PLD3: variants seen among roughly 807,000 people sequenced by gnomAD.
PLD3 encodes the protein phospholipase D family member 3, also known as 5'-3' exonuclease PLD3.
In PLD3, 31 loss-of-function variants were observed where a neutral mutation model predicts 58.4. The observed-to-expected ratio is 0.53, with a 90% CI of 0.40 to 0.72. The LOEUF (loss-of-function observed/expected upper bound fraction) is 0.72. PLD3 is among the 30% of genes least tolerant of loss of function. PLD3 has a pLI of 0.00. For missense variants in PLD3, 595 were observed against 659.8 expected (o/e 0.90, Z 1.08); for synonymous variants, 264 against 273.4 (o/e 0.97, Z 0.34).
intron 1 of PLD3, among the ~76,000 whole-genome samples, chr19:40,351,293 C>G (rs955390699): frequency 5.9e-5 from 9 of 151,598 alleles, no homozygotes; most frequent in African/African-American, 2.2e-4. Context: ...CCTATAATCC[C>G]AGCACTTTGG....
Position 40,369,187 on chromosome 19 carries a change from A to G in PLD3, c.430-721A>G, listed in dbSNP as rs543645852. On this transcript the variant is annotated intron_variant, in intron 6 of 12. Transcript: ENST00000409735. ...CTCCCACTCCCTGCTGGCTCCCTCTAAAGTGGTTTAAAACACAGATGTAGG... is the reference window on the plus strand; with the variant it reads ...CTCCCACTCCCTGCTGGCTCCCTCTGAAGTGGTTTAAAACACAGATGTAGG... Among the ~76,000 whole-genome samples the G allele has an allele frequency of 7.9e-5, 12 of 152,166 alleles. No homozygotes were observed. The South Asian group carries it at 1.0e-3, about 13-fold the overall frequency.
At position 40,367,691 on chromosome 19, in the gene PLD3, C is replaced by A. The variant is rs200368701; in HGVS notation, c.246-5C>A. ...GTATGGCTGATAGCATCCCCCACCC[C>A]CCAGAGCAGTGCTGGTGGAAAGCAT... is the stretch of plus-strand genomic sequence containing the variant. On this transcript the variant is annotated splice_polypyrimidine_tract_variant and splice_region_variant and intron_variant, in intron 5 of 12. Coordinates refer to ENST00000409735, the MANE Select transcript of PLD3 (RefSeq NM_012268.4). 9 of 1,604,172 alleles carry A rather than the reference C, an allele frequency of 5.6e-6. No homozygotes were observed. The highest frequency in any genetic ancestry group is 2.2e-5 in the South Asian group (2 of 90,566).
chr19:40,363,038 T>G (rs985164946), intron 1 of PLD3, among the ~76,000 whole-genome samples: 6 of 152,170 alleles, frequency 3.9e-5, no homozygotes, highest in Admixed American at 2.6e-4. Context: ...GTGCTGAGAT[T>G]ACAGGTGTGA....
chr19:40,351,284 C>T (rs2078508993), intron 1 of PLD3, among the ~76,000 whole-genome samples: 1 of 151,530 alleles, frequency 6.6e-6, no homozygotes, highest in Admixed American at 6.6e-5. Context: ...TGGCTCATGC[C>T]TATAATCCCA....
rs36125021 is a variant in PLD3 at position 40,354,069 on chromosome 19, C to CT, written c.-279+5323dup. ...CCACCATCCCCAGCTATTTTTTAGCCTTTTTTTTTTTTTTTTTTTTTTGAG... is the reference window on the plus strand; with the variant it reads ...CCACCATCCCCAGCTATTTTTTAGCCTTTTTTTTTTTTTTTTTTTTTTTGAG... On this transcript the variant is annotated intron_variant, in intron 1 of 12. Coordinates refer to ENST00000409735, the MANE Select transcript of PLD3 (RefSeq NM_012268.4). 9.5e-3 allele frequency among the ~76,000 whole-genome samples: 744 copies of CT among 78,252 alleles called. 5 individuals are homozygous for CT. The highest frequency in any genetic ancestry group is 0.015 in the African/African-American group (265 of 17,588). The allele number at this position is 78,252 out of a possible 152,430, so 51.3% of individuals were successfully genotyped here.
intron 6 of PLD3, 80 bp from the exon 7 acceptor site, chr19:40,369,828 A>G (rs905085757): frequency 4.4e-6 from 6 of 1,356,496 alleles, no homozygotes; most frequent in African/African-American, 2.9e-5. Context: ...TCATGTCTCA[A>G]AATAACTCCA....
intron 1 of PLD3, among the ~76,000 whole-genome samples, chr19:40,354,421 CTGCCCAGGT>C (rs2078601777): frequency 6.6e-6 from 1 of 151,984 alleles, no homozygotes; most frequent in South Asian, 2.1e-4. Flanking sequence ...GTTGCCCAGG[CTGCCCAGGT>C]CTCAAACTCC....
intron 1 of PLD3, among the ~76,000 whole-genome samples, chr19:40,361,596 C>T (rs756176492): frequency 4.6e-5 from 7 of 152,106 alleles, no homozygotes; most frequent in African/African-American, 9.7e-5. Context: ...CTGGCATCCT[C>T]ACTCTTCTCC....
rs181424414 is a variant in PLD3 at position 40,370,091 on chromosome 19, C to T, written c.551-19C>T. On this transcript the variant is annotated intron_variant, in intron 7 of 12. Transcript: ENST00000409735. ...GGGTACCCAGCCTGGCCCCTGATCTCTGCCCCTGCTGGTCACAGGTGCCCA... is the reference window on the plus strand; with the variant it reads ...GGGTACCCAGCCTGGCCCCTGATCTTTGCCCCTGCTGGTCACAGGTGCCCA... 4.7e-5 allele frequency: 75 copies of T among 1,599,978 alleles called. No individual in the cohort carries two copies. In the East Asian group the frequency reaches 1.7e-3, roughly 36 times the overall value.
intron 1 of PLD3, among the ~76,000 whole-genome samples, chr19:40,354,912 A>G (rs1006790789): frequency 6.6e-6 from 1 of 151,828 alleles, no homozygotes. Context: ...ATCTCAGCTC[A>G]CTGCAACCTC....
chr19:40,367,536 G>A, intron 5 of PLD3, 160 bp from the exon 6 acceptor site: 1 of 584,528 alleles, frequency 1.7e-6, no homozygotes, highest in South Asian at 2.5e-5. Flanking sequence ...AGCTGAGATG[G>A]CGCCACTGCG....
intron 9 of PLD3, 63 bp from the exon 10 acceptor site, chr19:40,374,418 G>A (rs2079141570): frequency 6.3e-7 from 1 of 1,582,402 alleles, no homozygotes; most frequent in Non-Finnish European, 8.6e-7. Flanking sequence ...CTGTCCGTAT[G>A]TGGGGTCCGT....
intron 1 of PLD3, among the ~76,000 whole-genome samples, chr19:40,351,344 G>C (rs2078510306): frequency 6.6e-6 from 1 of 152,124 alleles, no homozygotes; most frequent in African/African-American, 2.4e-5. Context: ...AGGAGTTCGA[G>C]ACCAGCCTGA....
At position 40,378,191 on chromosome 19, in the gene PLD3, A is replaced by G. The variant is rs770456983; in HGVS notation, c.*18A>G. 6.3e-6 allele frequency: 10 copies of G among 1,597,068 alleles called. No individual in the cohort carries two copies. In the Admixed American group the frequency reaches 1.7e-4, roughly 28 times the overall value. On this transcript the variant is annotated 3_prime_UTR_variant, in exon 13 of 13. Transcript: ENST00000409735. Reference sequence around the variant, plus strand: ...TGCTCTGAGGCCCGATCCAGTGGGCAGGCCAAGGCCTGCTGGGCCCCCGCG... The same window carrying G: ...TGCTCTGAGGCCCGATCCAGTGGGCGGGCCAAGGCCTGCTGGGCCCCCGCG...
At chr19:40,369,603 A>G (rs1403574238) in intron 6 of PLD3, among the ~76,000 whole-genome samples, 2 of 152,088 alleles carry the variant, frequency 1.3e-5, no homozygotes, top group African/African-American at 4.8e-5. Flanking sequence ...CGCCCCCACC[A>G]TACTGGGAGA....
chr19:40,372,633 A>AT (rs58157604), intron 9 of PLD3, among the ~76,000 whole-genome samples: 12,764 of 141,664 alleles, frequency 0.09, 1,144 homozygotes, highest in African/African-American at 0.23. Flanking sequence ...ATTTCTTTCT[A>AT]TTTTTTTTTT....
chr19:40,361,531 C>T (rs1568657471), intron 1 of PLD3, among the ~76,000 whole-genome samples: 1 of 152,176 alleles, frequency 6.6e-6, no homozygotes, highest in African/African-American at 2.4e-5. Flanking sequence ...CTGGCCCTAT[C>T]ACCTCTGTGA....
In PLD3 at chr19:40,365,845, A is replaced by T. The variant is rs1210805925; in HGVS notation, c.-151A>T. The T allele has an allele frequency of 3.3e-5, 5 of 152,422 alleles. No homozygotes were observed. The highest frequency in any genetic ancestry group is 7.3e-5 in the Non-Finnish European group (5 of 68,400). 9.4% of individuals were successfully genotyped at this position (152,422 alleles called of 1,614,324 possible). On this transcript the variant is annotated 5_prime_UTR_variant, in exon 2 of 13. Coordinates refer to ENST00000409735, the MANE Select transcript of PLD3 (RefSeq NM_012268.4). ...CCCACAGGCCCCGCCCCCTCCTCCC[A>T]CCCTCGTTCAGCCTGTCCAGACAGA...
At chr19:40,355,506 T>G (rs551893615) in intron 1 of PLD3, among the ~76,000 whole-genome samples, 5 of 151,744 alleles carry the variant, frequency 3.3e-5, no homozygotes, top group African/African-American at 1.2e-4. Context: ...AGAGACGGGT[T>G]TCTCCATGTT....
Sources: gnomAD v4.1 joint callset for allele counts (sites outside exome capture counted in the v4.1 genomes callset) on GRCh38, gnomAD v4.1.1 for gene constraint, MANE v1.5 for transcripts, NCBI Gene and HGNC (gene_info 2026-07-23, HGNC 2026-07-21) for gene names.